Variants in ANKS1B observed in about 807,000 individuals in gnomAD.
ANKS1B encodes ankyrin repeat and sterile alpha motif domain-containing protein 1B.
A neutral mutation model predicts 148.3 loss-of-function variants in ANKS1B; 36 were observed. The ratio of observed to expected loss-of-function variants is 0.24; its 90% CI spans 0.19 to 0.32. ANKS1B has a LOEUF of 0.32. ANKS1B is among the 10% of genes least tolerant of loss of function. ANKS1B has a pLI of 1.00. For missense variants in ANKS1B, 1,157 were observed against 1,542.6 expected (o/e 0.75, Z 4.19); for synonymous variants, 542 against 560.8 (o/e 0.97, Z 0.47).
chr12:99,273,395 A>G (rs1167973825), intron 12 of ANKS1B, among the ~76,000 whole-genome samples: 2 of 152,116 alleles, frequency 1.3e-5, no homozygotes, highest in Non-Finnish European at 2.9e-5. Flanking sequence ...GATAAATGTC[A>G]TATCCACAAA....
At chr12:99,515,978 T>C (rs2096816403) in intron 9 of ANKS1B, among the ~76,000 whole-genome samples, 1 of 152,196 alleles carries the variant, frequency 6.6e-6, no homozygotes, top group Non-Finnish European at 1.5e-5. Flanking sequence ...GAAATGTCTA[T>C]TCAAATCTGT....
chr12:99,971,547 G>T (rs1178580972), intron 1 of ANKS1B, among the ~76,000 whole-genome samples: 1 of 151,098 alleles, frequency 6.6e-6, no homozygotes, highest in Non-Finnish European at 1.5e-5. Context: ...CATTTCAAAT[G>T]CAGATTACTA....
intron 9 of ANKS1B, among the ~76,000 whole-genome samples, chr12:99,568,156 G>C (rs914814824): frequency 6.6e-6 from 1 of 152,218 alleles, no homozygotes; most frequent in Non-Finnish European, 1.5e-5. Flanking sequence ...TGGACTAAAA[G>C]TGTCAGCAGG....
At chr12:99,294,632 C>T (rs1039693703) in intron 12 of ANKS1B, among the ~76,000 whole-genome samples, 1 of 151,856 alleles carries the variant, frequency 6.6e-6, no homozygotes, top group Admixed American at 6.6e-5. Flanking sequence ...AACAGGGTGA[C>T]TACAGTCAAC....
At chr12:99,620,295 G>A (rs1453149049) in intron 9 of ANKS1B, among the ~76,000 whole-genome samples, 1 of 152,184 alleles carries the variant, frequency 6.6e-6, no homozygotes, top group East Asian at 1.9e-4. Flanking sequence ...AGCATCTCCA[G>A]ATGAGAAAGA....
At chr12:99,278,975 T>C (rs2078039715) in intron 12 of ANKS1B, among the ~76,000 whole-genome samples, 1 of 152,178 alleles carries the variant, frequency 6.6e-6, no homozygotes, top group Non-Finnish European at 1.5e-5. Context: ...CAAATCTGAC[T>C]CTTTCACTAG....
chr12:99,228,439 T>G (rs2153948652), intron 14 of ANKS1B, among the ~76,000 whole-genome samples: 1 of 152,228 alleles, frequency 6.6e-6, no homozygotes, highest in African/African-American at 2.4e-5. Flanking sequence ...ATTGATTTAT[T>G]TATCTTCTAT....
intron 17 of ANKS1B, 55 bp from the exon 18 acceptor site, chr12:98,832,191 T>C: frequency 7.3e-7 from 1 of 1,365,484 alleles, no homozygotes. Context: ...ATAATTTTTA[T>C]ATGTCCTAAA....
At chr12:99,543,644 C>A (rs1430339054) in intron 9 of ANKS1B, among the ~76,000 whole-genome samples, 1 of 152,036 alleles carries the variant, frequency 6.6e-6, no homozygotes, top group African/African-American at 2.4e-5. Flanking sequence ...GAATGAAGTA[C>A]TGATATATTT....
intron 26 of ANKS1B, among the ~76,000 whole-genome samples, chr12:98,750,608 T>A (rs554575310): frequency 3.3e-5 from 5 of 152,120 alleles, no homozygotes; most frequent in Admixed American, 1.3e-4. Context: ...AGTCCCAGGG[T>A]TTCTAGGATG....
intron 9 of ANKS1B, among the ~76,000 whole-genome samples, chr12:99,542,403 A>G (rs1326304557): frequency 1.3e-5 from 2 of 152,190 alleles, no homozygotes; most frequent in Non-Finnish European, 2.9e-5. Context: ...GAAATAAATT[A>G]AAGAAGGCAT....
intron 17 of ANKS1B, among the ~76,000 whole-genome samples, chr12:98,948,024 T>A (rs1165316903): frequency 6.6e-6 from 1 of 152,190 alleles, no homozygotes; most frequent in African/African-American, 2.4e-5. Flanking sequence ...GGATTATTCA[T>A]GTTTGTAATT....
At chr12:99,877,277 C>T (rs984926533) in intron 1 of ANKS1B, among the ~76,000 whole-genome samples, 2 of 152,184 alleles carry the variant, frequency 1.3e-5, no homozygotes, top group African/African-American at 4.8e-5. Context: ...TTCTCTTCTA[C>T]TCTCTGGTTT....
At chr12:98,867,893 C>T (rs999377437) in intron 17 of ANKS1B, among the ~76,000 whole-genome samples, 11 of 151,852 alleles carry the variant, frequency 7.2e-5, no homozygotes. Flanking sequence ...AGTCAGTTTT[C>T]TTTCTGGATA....
intron 1 of ANKS1B, among the ~76,000 whole-genome samples, chr12:99,892,578 G>C (rs112726453): frequency 6.6e-6 from 1 of 152,136 alleles, no homozygotes; most frequent in Non-Finnish European, 1.5e-5. Flanking sequence ...ATCTTCAAAG[G>C]GTTTAGGAAT....
At position 99,320,148 on chromosome 12, in the gene ANKS1B, G is replaced by T. The variant is rs141550132; in HGVS notation, c.1757-73284C>A. Among the ~76,000 whole-genome samples, 885 of 152,138 alleles carry T rather than the reference G, an allele frequency of 5.8e-3. 6 individuals carry two copies. The highest frequency in any genetic ancestry group is 0.021 in the African/African-American group (853 of 41,506). ...TATTTTTTCCTTCATTTCAATTTTG[G>T]TGAATCTGACAATTATGTGTCTTGA... is the stretch of plus-strand genomic sequence containing the variant. On this transcript the variant is annotated intron_variant, in intron 12 of 26. Coordinates refer to ENST00000683438, the MANE Select transcript of ANKS1B (RefSeq NM_001352186.2).
chr12:98,863,496 T>G (rs1011792826), intron 17 of ANKS1B, among the ~76,000 whole-genome samples: 1 of 152,256 alleles, frequency 6.6e-6, no homozygotes, highest in Non-Finnish European at 1.5e-5. Flanking sequence ...AGTCTGATTA[T>G]GGCAACAAAT....
rs142127628 is a variant in ANKS1B at position 99,051,988 on chromosome 12, G to C, written c.2778+1169C>G. Among the ~76,000 whole-genome samples the C allele has an allele frequency of 3.0e-3, 460 of 152,262 alleles. 3 individuals carry two copies. Among genetic ancestry groups the C allele is most frequent in the African/African-American group, 0.01 (435 of 41,550 alleles). ...CTTTTGAACCAGCAGAAACTTATTT[G>C]CTTTATCTCTTAGTTCATAAATGCC... On this transcript the variant is annotated intron_variant, in intron 17 of 26. Transcript: ENST00000683438.
At chr12:99,366,598 G>T (rs1314031997) in intron 12 of ANKS1B, among the ~76,000 whole-genome samples, 2 of 152,086 alleles carry the variant, frequency 1.3e-5, no homozygotes, top group African/African-American at 4.8e-5. Context: ...ATCGCTGGGA[G>T]GAAAGATGAT....
Sources: allele counts gnomAD v4.1 joint callset (sites outside exome capture counted in the v4.1 genomes callset), GRCh38; gene constraint gnomAD v4.1.1; transcripts MANE v1.5; gene names NCBI Gene and HGNC (gene_info 2026-07-23, HGNC 2026-07-21).